The following USB1 variants were observed in gnomAD, a reference collection of about 807,000 sequenced individuals.
USB1 encodes the protein U6 snRNA phosphodiesterase 1.
A neutral mutation model predicts 29.9 loss-of-function variants in USB1; 21 were observed. That is an observed-to-expected ratio of 0.70 (90% confidence interval 0.50 to 1.01). The LOEUF (loss-of-function observed/expected upper bound fraction) is 1.01, where lower values mean the gene tolerates loss of function less well. USB1 is among the 50% of genes least tolerant of loss of function. The pLI, the probability that USB1 is intolerant of heterozygous loss-of-function variation, is 0.00. For synonymous variants in USB1, 143 were observed against 134.9 expected (o/e 1.06, Z -0.42); for missense variants, 330 against 347.1 (o/e 0.95, Z 0.39).
At chr16:58,008,453 CTTTTTT>C (rs56262437) in intron 2 of USB1, among the ~76,000 whole-genome samples, 1 of 115,188 alleles carries the variant, frequency 8.7e-6, no homozygotes. Flanking sequence ...TTTTCTTTTT[CTTTTTT>C]TTTTTTTTTT....
intron 1 of USB1, among the ~76,000 whole-genome samples, chr16:58,002,128 T>C (rs1029839940): frequency 6.6e-6 from 1 of 152,216 alleles, no homozygotes; most frequent in African/African-American, 2.4e-5. Context: ...GGTAGACATA[T>C]ACTTTCAGAT....
In USB1 at chr16:58,013,679, A is replaced by G; in HGVS notation, c.450-594A>G. ...CCTCACGAAAGCGTCATAGGTGACA[A>G]CAAGGACTCTGGAAACAGGCAGACT... On this transcript the variant is annotated intron_variant, in intron 3 of 6. Coordinates refer to ENST00000219281, the MANE Select transcript of USB1 (RefSeq NM_024598.4). This position sits in a 1 kb window ranked among gnomAD's most constrained non-coding sequence, Gnocchi z 4.3. 1 of 960,710 alleles carries G rather than the reference A, an allele frequency of 1.0e-6. No homozygotes were observed. Among genetic ancestry groups the G allele is most frequent in the South Asian group, 4.7e-5 (1 of 21,266 alleles). 59.5% of individuals were successfully genotyped at this position (960,710 alleles called of 1,614,324 possible).
chr16:58,014,465 A>G, intron 4 of USB1, 139 bp downstream of exon 4: 1 of 736,200 alleles, frequency 1.4e-6, no homozygotes, highest in Non-Finnish European at 2.4e-6. Flanking sequence ...GCTATCCCCA[A>G]ATCTGAACCT....
At chr16:58,012,197 C>A in intron 3 of USB1, 5 of 1,489,948 alleles carry the variant, frequency 3.4e-6, no homozygotes, top group Non-Finnish European at 4.5e-6. Context: ...TTGTCCCAAT[C>A]CAGACACTCG....
intron 3 of USB1, chr16:58,011,095 C>T (rs1963484472): frequency 9.9e-7 from 1 of 1,015,136 alleles, no homozygotes; most frequent in Non-Finnish European, 1.5e-6. Flanking sequence ...GATTTAGGAG[C>T]TCTGCGTCAG....
At chr16:58,016,070 G>A (rs1056009327) in intron 4 of USB1, 6 of 153,024 alleles carry the variant, frequency 3.9e-5, no homozygotes, top group Non-Finnish European at 5.8e-5. Flanking sequence ...AAGATAGAAG[G>A]GAGCAAGAGT....
intron 1 of USB1, among the ~76,000 whole-genome samples, chr16:58,002,220 C>G (rs1007058268): frequency 6.6e-6 from 1 of 152,204 alleles, no homozygotes; most frequent in African/African-American, 2.4e-5. Flanking sequence ...GCAGCCTGTC[C>G]AGCTTGGAAA....
intron 3 of USB1, chr16:58,011,847 G>C (rs1444382762): frequency 1.0e-6 from 1 of 991,658 alleles, no homozygotes; most frequent in Admixed American, 5.8e-5. Flanking sequence ...GCTCACAGTA[G>C]ACATCAAATA....
At chr16:58,016,019 G>T (rs1963607082) in intron 4 of USB1, 1 of 152,610 alleles carries the variant, frequency 6.6e-6, no homozygotes, top group Non-Finnish European at 1.5e-5. Context: ...GGGGATGTCA[G>T]TCTGGCTAGT....
In USB1 at chr16:58,001,512, G is replaced by A; in HGVS notation, c.29G>A (p.Ser10Asn). ...AGCGCGGCGCCCCTGGTGGGCTACA[G>A]CAGCAGCGGCTCCGAGGATGAGTCC... is the stretch of plus-strand genomic sequence containing the variant. MSAAPLVGY[S>N]SSGSEDESED... is the part of the protein sequence containing the mutation. Residue 10 changes from serine to asparagine, a missense_variant, in exon 1 of 7, where the codon AGC (serine) becomes AAC (asparagine). Coordinates refer to ENST00000219281, the MANE Select transcript of USB1 (RefSeq NM_024598.4). The A allele has an allele frequency of 1.2e-6, 2 of 1,607,444 alleles. No homozygotes were observed. Among genetic ancestry groups the A allele is most frequent in the Non-Finnish European group, 1.7e-6 (2 of 1,177,472 alleles).
At chr16:58,018,605 C>CAG (rs147587332) in intron 5 of USB1, among the ~76,000 whole-genome samples, 3 of 151,794 alleles carry the variant, frequency 2.0e-5, no homozygotes, top group South Asian at 2.1e-4. Context: ...TTGGGGGCTA[C>CAG]AGAGAGAGAG....
chr16:58,004,665 T>C (rs1004506091), intron 2 of USB1, among the ~76,000 whole-genome samples: 5 of 152,216 alleles, frequency 3.3e-5, no homozygotes, highest in Non-Finnish European at 7.3e-5. Context: ...TGACTGGGAT[T>C]GTATTGAATC....
chr16:58,010,350 G>GCTCTT (rs2142302976), intron 3 of USB1, among the ~76,000 whole-genome samples: 1 of 152,324 alleles, frequency 6.6e-6, no homozygotes, highest in Admixed American at 6.5e-5. Flanking sequence ...TTTTCTGTAA[G>GCTCTT]CTCTTGCTCA....
chr16:58,011,991 G>C, intron 3 of USB1: 1 of 1,116,160 alleles, frequency 9.0e-7, no homozygotes, highest in Non-Finnish European at 1.1e-6. Context: ...TATCAGCAGA[G>C]CCTTTTTTCA....
At chr16:58,009,052 G>T (rs186145547) in intron 2 of USB1, among the ~76,000 whole-genome samples, 4 of 152,284 alleles carry the variant, frequency 2.6e-5, no homozygotes, top group Non-Finnish European at 4.4e-5. Context: ...GGGTTCTGAT[G>T]CTTACTATTT....
At chr16:58,003,893 C>T (rs947600803) in intron 2 of USB1, among the ~76,000 whole-genome samples, 5 of 152,174 alleles carry the variant, frequency 3.3e-5, no homozygotes, top group African/African-American at 9.6e-5. Flanking sequence ...CCCAGCCAGT[C>T]GCTTGTCTTT....
chr16:58,010,162 T>C, intron 3 of USB1, 50 bp downstream of exon 3: 1 of 1,608,614 alleles, frequency 6.2e-7, no homozygotes, highest in Non-Finnish European at 8.5e-7. Flanking sequence ...CCATGGCTTC[T>C]CCTCCTCTCC....
chr16:58,008,678 C>T (rs1963419951), intron 2 of USB1, among the ~76,000 whole-genome samples: 2 of 152,098 alleles, frequency 1.3e-5, no homozygotes, highest in South Asian at 4.1e-4. Context: ...GTCTCGAACT[C>T]CTGACCTCCA....
rs1963187945 is a variant in USB1 at position 58,001,492 on chromosome 16, G to A, written c.9G>A (p.Ala3=). 1 of 1,601,908 alleles carries A rather than the reference G, an allele frequency of 6.2e-7. No individual in the cohort carries two copies. Among genetic ancestry groups the A allele is most frequent in the East Asian group, 2.3e-5 (1 of 44,256 alleles). The part of the protein sequence containing the change: MS[A]APLVGYSSSG... The stretch of plus-strand genomic sequence containing the variant: ...GTCTTGGATGAGGCCCCATGAGCGC[G>A]GCGCCCCTGGTGGGCTACAGCAGCA... The change falls in exon 1 of 7, where the codon GCG becomes GCA. Residue 3 remains alanine, a synonymous_variant. Transcript: ENST00000219281.
Sources: allele counts gnomAD v4.1 joint callset (sites outside exome capture counted in the v4.1 genomes callset), GRCh38; gene constraint gnomAD v4.1.1; non-coding constraint Gnocchi (gnomAD v3.1); transcripts MANE v1.5; gene names NCBI Gene and HGNC (gene_info 2026-07-23, HGNC 2026-07-21).